The following ANKRD22 variants were observed in gnomAD, a reference collection of about 807,000 sequenced individuals.
ANKRD22 encodes ankyrin repeat domain-containing protein 22.
In ANKRD22, 24 loss-of-function variants were observed where a neutral mutation model predicts 25.7. The ratio of observed to expected loss-of-function variants is 0.93; its 90% CI spans 0.68 to 1.31. The LOEUF (loss-of-function observed/expected upper bound fraction) is 1.31, where lower values mean the gene tolerates loss of function less well. Ranked by LOEUF, ANKRD22 falls within the 50% of genes most tolerant of loss-of-function variation. The pLI is 0.00. For missense variants in ANKRD22, 214 were observed against 227.1 expected (o/e 0.94, Z 0.37); for synonymous variants, 84 against 84.3 (o/e 1.00, Z 0.02).
chr10:88,825,629 AT>A (rs1843848411), intron 4 of ANKRD22, among the ~76,000 whole-genome samples: 1 of 152,226 alleles, frequency 6.6e-6, no homozygotes, highest in Non-Finnish European at 1.5e-5. Flanking sequence ...CCATATCCCC[AT>A]TTTACCGATG....
chr10:88,849,786 G>A (rs940851770), intron 1 of ANKRD22, among the ~76,000 whole-genome samples: 2 of 152,014 alleles, frequency 1.3e-5, no homozygotes, highest in African/African-American at 4.8e-5. Context: ...TCCATCTTAC[G>A]CAGTTGGAGT....
intron 1 of ANKRD22, among the ~76,000 whole-genome samples, chr10:88,842,236 GC>G (rs1403949491): frequency 6.6e-6 from 1 of 152,092 alleles, no homozygotes; most frequent in African/African-American, 2.4e-5. Flanking sequence ...GTAATGCTAA[GC>G]ACCTTAGCAG....
rs1843766163 is a variant in ANKRD22 at position 88,819,903 on chromosome 10, T to A, written c.*3038A>T. Among the ~76,000 whole-genome samples the A allele has an allele frequency of 6.6e-6, 1 of 152,200 alleles. No homozygotes were observed. Among genetic ancestry groups the A allele is most frequent in the South Asian group, 2.1e-4 (1 of 4,830 alleles). The stretch of plus-strand genomic sequence containing the variant: ...TTTAAAAGAACAGGGGCATTATTTT[T>A]AAAAACAATTTATTTACAAAATATT... On this transcript the variant is annotated 3_prime_UTR_variant, in exon 6 of 6. Coordinates refer to ENST00000371930, the MANE Select transcript of ANKRD22 (RefSeq NM_144590.3).
intron 1 of ANKRD22, among the ~76,000 whole-genome samples, chr10:88,841,606 G>A (rs977261764): frequency 2.6e-4 from 39 of 152,098 alleles, no homozygotes; most frequent in African/African-American, 9.2e-4. Context: ...TTATAATGGA[G>A]ACCAGGCTTG....
chr10:88,828,997 T>C (rs17113422), intron 2 of ANKRD22, among the ~76,000 whole-genome samples: 3,461 of 152,342 alleles, frequency 0.023, 131 homozygotes, highest in African/African-American at 0.079. Context: ...CTGAATTTAC[T>C]ATGAAAATTG....
chr10:88,831,860 T>C lies in ANKRD22; in HGVS notation c.188A>G (p.Asn63Ser). Residue 63 changes from asparagine to serine, a missense_variant, in exon 2 of 6, where the codon AAT (asparagine) becomes AGT (serine). Transcript: ENST00000371930. ...VRIVSFLLRRNANVNLKNQKE... is the reference protein window; with the variant it reads ...VRIVSFLLRRSANVNLKNQKE... Reference sequence around the variant, plus strand: ...CTGGTTTTTGAGGTTGACATTAGCATTTCTTCTTAAAAGGAAGGAAACGAT... The same window carrying C: ...CTGGTTTTTGAGGTTGACATTAGCACTTCTTCTTAAAAGGAAGGAAACGAT... 9 of 1,611,122 alleles carry C rather than the reference T, an allele frequency of 5.6e-6. No individual in the cohort carries two copies. The highest frequency in any genetic ancestry group is 6.8e-6 in the Non-Finnish European group (8 of 1,179,048).
In ANKRD22 at chr10:88,822,544, C is replaced by CTTCTTTTTTTTTTTTTTTTTTTTTT. The variant is rs1843808481; in HGVS notation, c.*396_*397insAAAAAAAAAAAAAAAAAAAAAAGAA. ...AAAGACTGAGTTTGGAACACCAGGG[C>CTTCTTTTTTTTTTTTTTTTTTTTTT]TTTTTTTTTTTTTTTTTTTTTTGAG... is the stretch of plus-strand genomic sequence containing the variant. On this transcript the variant is annotated 3_prime_UTR_variant, in exon 6 of 6. Coordinates refer to ENST00000371930, the MANE Select transcript of ANKRD22 (RefSeq NM_144590.3). 1 of 36,438 alleles carries CTTCTTTTTTTTTTTTTTTTTTTTTT rather than the reference C, an allele frequency of 2.7e-5. No individual in the cohort carries two copies. Among genetic ancestry groups the CTTCTTTTTTTTTTTTTTTTTTTTTT allele is most frequent in the Non-Finnish European group, 5.9e-5 (1 of 17,014 alleles). 2.3% of individuals were successfully genotyped at this position (36,438 alleles called of 1,614,324 possible).
intron 4 of ANKRD22, among the ~76,000 whole-genome samples, chr10:88,824,943 G>T (rs1466300388): frequency 6.6e-6 from 1 of 150,576 alleles, no homozygotes; most frequent in Non-Finnish European, 1.5e-5. Context: ...AGTTCTATTT[G>T]AAATAAAAGG....
At position 88,825,491 on chromosome 10, in the gene ANKRD22, C is replaced by T. The variant is rs76171551; in HGVS notation, c.399+547G>A. Among the ~76,000 whole-genome samples, 2,451 of 152,322 alleles carry T rather than the reference C, an allele frequency of 0.016. 104 individuals carry two copies. In the East Asian group the frequency reaches 0.17, roughly 11 times the overall value. On this transcript the variant is annotated intron_variant, in intron 4 of 5. Coordinates refer to ENST00000371930, the MANE Select transcript of ANKRD22 (RefSeq NM_144590.3). Reference sequence around the variant, plus strand: ...GTCTTATTTATCTGTAGTTTGCACACGGGGCCTCTCATCAGTGGGTTGGGA... The same window carrying T: ...GTCTTATTTATCTGTAGTTTGCACATGGGGCCTCTCATCAGTGGGTTGGGA...
intron 5 of ANKRD22, 67 bp downstream of exon 5, chr10:88,823,213 A>G: frequency 5.0e-6 from 7 of 1,411,792 alleles, no homozygotes; most frequent in Non-Finnish European, 7.0e-6. Flanking sequence ...ATTTACTTCA[A>G]CATAAGGCCT....
At position 88,822,297 on chromosome 10, in the gene ANKRD22, ATTTAC is replaced by A. The variant is rs1172378871; in HGVS notation, c.*639_*643del. ...ATTGAAATTCCTTCACCAAAGGAAT[ATTTAC>A]TTGTGAATCTCTAAGCCCACACACA... is the stretch of plus-strand genomic sequence containing the variant. On this transcript the variant is annotated 3_prime_UTR_variant, in exon 6 of 6. Transcript: ENST00000371930. 1 of 152,170 alleles carries A rather than the reference ATTTAC, an allele frequency of 6.6e-6. No homozygotes were observed. Among genetic ancestry groups the A allele is most frequent in the Admixed American group, 6.5e-5 (1 of 15,276 alleles). The allele number at this position is 152,170 out of a possible 1,614,324, so 9.4% of individuals were successfully genotyped here.
rs1254647407 is a variant in ANKRD22 at position 88,821,913 on chromosome 10, A to C, written c.*1028T>G. On this transcript the variant is annotated 3_prime_UTR_variant, in exon 6 of 6. Transcript: ENST00000371930. ...TTGATATTCGCAATCTCTCACTTAG[A>C]CAAATAATCCAGATCCTACCTCATT... Among the ~76,000 whole-genome samples, 1 of 152,246 alleles carries C rather than the reference A, an allele frequency of 6.6e-6. No individual in the cohort carries two copies. Among genetic ancestry groups the C allele is most frequent in the Non-Finnish European group, 1.5e-5 (1 of 68,030 alleles).
intron 1 of ANKRD22, among the ~76,000 whole-genome samples, chr10:88,837,379 C>A (rs1843963900): frequency 1.3e-5 from 2 of 151,992 alleles, no homozygotes; most frequent in Admixed American, 6.6e-5. Flanking sequence ...GCATAAGGAG[C>A]CAATGAAGAT....
chr10:88,825,388 A>T (rs556149683), intron 4 of ANKRD22, among the ~76,000 whole-genome samples: 1 of 152,366 alleles, frequency 6.6e-6, no homozygotes, highest in East Asian at 1.9e-4. Flanking sequence ...TTATGCTCAT[A>T]AACAGGAAGA....
At chr10:88,825,791 G>A (rs1013588260) in intron 4 of ANKRD22, among the ~76,000 whole-genome samples, 4 of 151,998 alleles carry the variant, frequency 2.6e-5, no homozygotes, top group South Asian at 2.1e-4. Context: ...TTTCCTTAAC[G>A]TCTCAACAAC....
At chr10:88,837,775 G>A (rs1843967489) in intron 1 of ANKRD22, among the ~76,000 whole-genome samples, 1 of 152,170 alleles carries the variant, frequency 6.6e-6, no homozygotes, top group South Asian at 2.1e-4. Flanking sequence ...TCTTTCCCAT[G>A]CTGTTCTCAT....
intron 1 of ANKRD22, among the ~76,000 whole-genome samples, chr10:88,835,416 T>A (rs909855162): frequency 2.5e-4 from 38 of 152,280 alleles, no homozygotes; most frequent in Admixed American, 2.5e-3. Flanking sequence ...TGTTGTTAGG[T>A]GATTTTGTCA....
In ANKRD22 at chr10:88,851,788, G is replaced by A. The variant is rs957836826; in HGVS notation, c.-181C>T. 17 of 633,384 alleles carry A rather than the reference G, an allele frequency of 2.7e-5. No individual in the cohort carries two copies. The African/African-American group carries it at 3.1e-4, about 12-fold the overall frequency. The allele number at this position is 633,384 out of a possible 1,614,324, so 39.2% of individuals were successfully genotyped here. A position where few individuals can be genotyped will look rare whatever the true frequency, so the allele number is the denominator to read the frequency against. On this transcript the variant is annotated 5_prime_UTR_variant, in exon 1 of 6. Coordinates refer to ENST00000371930, the MANE Select transcript of ANKRD22 (RefSeq NM_144590.3). ...CAGTGCTTTTCCAGCAGCTCAGGCA[G>A]CAGCACACCTTCCAGAGAGCCCAGC...
chr10:88,838,346 G>T (rs952808329), intron 1 of ANKRD22, among the ~76,000 whole-genome samples: 1 of 152,032 alleles, frequency 6.6e-6, no homozygotes, highest in Non-Finnish European at 1.5e-5. Context: ...GAGGAGAGTG[G>T]TTTACCATTA....
Sources: allele counts gnomAD v4.1 joint callset (sites outside exome capture counted in the v4.1 genomes callset), GRCh38; gene constraint gnomAD v4.1.1; transcripts MANE v1.5; gene names NCBI Gene and HGNC (gene_info 2026-07-23, HGNC 2026-07-21).